IFT172: variants seen among roughly 807,000 people sequenced by gnomAD.
The protein encoded by IFT172 is intraflagellar transport 172, also known as intraflagellar transport protein 172 homolog.
In IFT172, 164 loss-of-function variants were observed where a neutral mutation model predicts 248.9. That is an observed-to-expected ratio of 0.66 (90% CI 0.58 to 0.75). The LOEUF is 0.75. Among genes scored for constraint, IFT172 ranks in the 30% least tolerant of loss-of-function variants. IFT172 has a pLI of 0.00. For synonymous variants in IFT172, 729 were observed against 791.6 expected, an observed-to-expected ratio of 0.92 and a Z score of 1.33; for missense variants, 1,950 against 2,192.4, an observed-to-expected ratio of 0.89 and a Z score of 2.21.
At position 27,459,717 on chromosome 2, in the gene IFT172, G is replaced by T; in HGVS notation, c.2634C>A (p.Ile878=). The T allele has an allele frequency of 6.2e-7, 1 of 1,612,318 alleles. No homozygotes were observed. Among genetic ancestry groups the T allele is most frequent in the Non-Finnish European group, 8.5e-7 (1 of 1,180,026 alleles). Residue 878 remains isoleucine (I), a synonymous_variant, in exon 24 of 48, where the codon ATC becomes ATA. Transcript: ENST00000260570. ...TTCCCATACTCCCATACCTGGCTTC[G>T]ATGTAGTGATTAATGGCTGCATCAA... ...KQLDAAINHY[I]EARCSIKAIE... is the part of the protein sequence containing the mutation.
At chr2:27,458,954 A>G (rs1036657237) in intron 25 of IFT172, 86 bp from the exon 26 acceptor site, 2 of 1,403,362 alleles carry the variant, frequency 1.4e-6, no homozygotes, top group African/African-American at 2.8e-5. Context: ...CTTGGCTGGG[A>G]TGGTGGAGAG....
chr2:27,476,814 C>T, intron 13 of IFT172, 88 bp from the exon 14 acceptor site: 1 of 757,556 alleles, frequency 1.3e-6, no homozygotes, highest in East Asian at 2.5e-5. Context: ...TGGGATGAAG[C>T]TTTTATTTAT....
intron 18 of IFT172, among the ~76,000 whole-genome samples, chr2:27,463,848 C>CCA (rs1666877353): frequency 6.6e-6 from 1 of 152,020 alleles, no homozygotes; most frequent in South Asian, 2.1e-4. Context: ...CAAAAGGATG[C>CCA]CAGTGTGGTT....
In IFT172 at chr2:27,459,805, A is replaced by G; in HGVS notation, c.2546T>C (p.Phe849Ser). The change falls in exon 24 of 48, where the codon TTC (phenylalanine) becomes TCC (serine). Residue 849 changes from phenylalanine to serine, a missense_variant. Physicochemically the swap from Phe to Ser is radical, Grantham distance 155 (BLOSUM62 -2). Coordinates refer to ENST00000260570, the MANE Select transcript of IFT172 (RefSeq NM_015662.3). ...MKAVELARLAFPVEVVKLEEA... is the reference protein window; with the variant it reads ...MKAVELARLASPVEVVKLEEA... ...CTCTAGTTTCACCACCTCCACTGGG[A>G]AGGCCAATCGAGCCAGCTCTACCGC... 1 of 1,612,518 alleles carries G rather than the reference A, an allele frequency of 6.2e-7. No individual in the cohort carries two copies. Among genetic ancestry groups the G allele is most frequent in the Non-Finnish European group, 8.5e-7 (1 of 1,180,040 alleles).
At chr2:27,479,660 A>G (rs1240338248) in intron 9 of IFT172, 56 bp from the exon 10 acceptor site, 3 of 1,068,292 alleles carry the variant, frequency 2.8e-6, no homozygotes, top group African/African-American at 3.1e-5. Flanking sequence ...TGGCATGGGG[A>G]GAGTATCTAG....
intron 14 of IFT172, among the ~76,000 whole-genome samples, chr2:27,474,095 AC>A (rs1667793840): frequency 6.6e-6 from 1 of 152,204 alleles, no homozygotes; most frequent in Non-Finnish European, 1.5e-5. Flanking sequence ...GGCATGAGCC[AC>A]CGTACCCGGC....
intron 1 of IFT172, among the ~76,000 whole-genome samples, chr2:27,488,068 G>A (rs1325858536): frequency 1.3e-5 from 2 of 150,652 alleles, no homozygotes; most frequent in African/African-American, 4.9e-5. Flanking sequence ...CTGCAGCCTC[G>A]ACCTCCTGGG....
At chr2:27,483,757 T>C (rs993661336) in intron 5 of IFT172, 98 bp from the exon 6 acceptor site, 21 of 1,452,080 alleles carry the variant, frequency 1.4e-5, no homozygotes, top group Non-Finnish European at 1.9e-5. Context: ...AACTGGTCCC[T>C]ATGCATTCTC....
At chr2:27,462,662 C>T (rs753211089) in intron 20 of IFT172, 39 bp downstream of exon 20, 7 of 1,559,174 alleles carry the variant, frequency 4.5e-6, no homozygotes, top group Middle Eastern at 1.7e-4. Flanking sequence ...CTTTTTCCCT[C>T]ATATCCCCTC....
chr2:27,445,410 CTG>C lies in IFT172; in HGVS notation c.4952_4953del (p.Thr1651SerfsTer15), dbSNP rs764258735. ...TGCTCCAGCCGCTGGTCCATGGAGACTGTAAGCACCCAGTCTCGAACCTCTTC... is the reference window on the plus strand; with the variant it reads ...TGCTCCAGCCGCTGGTCCATGGAGACTAAGCACCCAGTCTCGAACCTCTTC... ...EREEVRDWVL[T>X]VSMDQRLEQV... On this transcript the variant is annotated frameshift_variant, in exon 46 of 48. Transcript: ENST00000260570. LOFTEE classifies it high-confidence loss of function. The surrounding 1 kb of genome is among the most constrained non-coding windows in gnomAD (Gnocchi z 4.4). 4 of 1,612,412 alleles carry C rather than the reference CTG, an allele frequency of 2.5e-6. No homozygotes were observed. Among genetic ancestry groups the C allele is most frequent in the Non-Finnish European group, 3.4e-6 (4 of 1,179,430 alleles).
chr2:27,470,949 T>C lies in IFT172; in HGVS notation c.1671A>G (p.Arg557=). 6.2e-7 allele frequency: 1 copy of C among 1,607,806 alleles called. No individual in the cohort carries two copies. Among genetic ancestry groups the C allele is most frequent in the Non-Finnish European group, 8.5e-7 (1 of 1,178,186 alleles). Residue 557 remains arginine (R), a synonymous_variant, in exon 16 of 48, where the codon AGA becomes AGG. Coordinates refer to ENST00000260570, the MANE Select transcript of IFT172 (RefSeq NM_015662.3). Reference sequence around the variant, plus strand: ...ATACCCTAATAGTGAACATGGTGACTCTCTCAGGTGCCTCAATGTTGTACC... The same window carrying C: ...ATACCCTAATAGTGAACATGGTGACCCTCTCAGGTGCCTCAATGTTGTACC... ...CVWYNIEAPE[R]VTMFTIRGDV...
At chr2:27,458,956 G>C (rs1255726699) in intron 25 of IFT172, 88 bp from the exon 26 acceptor site, 1 of 1,368,962 alleles carries the variant, frequency 7.3e-7, no homozygotes, top group Admixed American at 2.0e-5. Flanking sequence ...TGGCTGGGAT[G>C]GTGGAGAGCC....
At chr2:27,457,604 T>C (rs1666260179) in intron 29 of IFT172, 35 bp downstream of exon 29, 1 of 1,548,086 alleles carries the variant, frequency 6.5e-7, no homozygotes, top group Non-Finnish European at 8.9e-7. Context: ...GAAAGAAGGA[T>C]GGATGTATCC....
rs73921542 is a variant in IFT172, at chr2:27,463,957, G to A, written c.1938-776C>T. Among the ~76,000 whole-genome samples, 425 of 152,248 alleles carry A rather than the reference G, an allele frequency of 2.8e-3. 3 individuals are homozygous for A. Among genetic ancestry groups the A allele is most frequent in the African/African-American group, 9.7e-3 (404 of 41,546 alleles). ...ACAAGGAGTTTGGGTTTTATACTAA[G>A]TAAAACAGTAAGCTAATGGAAGGTT... On this transcript the variant is annotated intron_variant, in intron 18 of 47. Coordinates refer to ENST00000260570, the MANE Select transcript of IFT172 (RefSeq NM_015662.3).
At position 27,458,631 on chromosome 2, in the gene IFT172, G is replaced by A. The variant is rs144683582; in HGVS notation, c.2877+148C>T. The stretch of plus-strand genomic sequence containing the variant: ...CTCTTCATCCCTTCCTTTCCCTATG[G>A]CTAGGGATCAAAGTGGCTCAGACTG... On this transcript the variant is annotated intron_variant, in intron 26 of 47. Transcript: ENST00000260570. The A allele has an allele frequency of 0.011, 8,919 of 807,602 alleles. 75 individuals carry two copies. Among genetic ancestry groups the A allele is most frequent in the Non-Finnish European group, 0.013 (6,810 of 519,422 alleles). 50.0% of individuals were successfully genotyped at this position (807,602 alleles called of 1,614,324 possible).
rs1037609844 is a variant in IFT172 at position 27,456,775 on chromosome 2, T to A, written c.3229-122A>T. ...TTGAACAGGAAGAGGCTGGGTGTGG[T>A]GGCTCATACCTATAATCCCAGCATT... On this transcript the variant is annotated intron_variant, in intron 29 of 47. Transcript: ENST00000260570. The A allele has an allele frequency of 1.1e-5, 16 of 1,393,632 alleles. No homozygotes were observed. The African/African-American group carries it at 2.3e-4, about 20-fold the overall frequency. The allele number at this position is 1,393,632 out of a possible 1,614,324, so 86.3% of individuals were successfully genotyped here. A position where few individuals can be genotyped will look rare whatever the true frequency, so the allele number is the denominator to read the frequency against.
chr2:27,477,893 T>G (rs1256867470), intron 11 of IFT172, 102 bp downstream of exon 11: 1 of 1,443,490 alleles, frequency 6.9e-7, no homozygotes, highest in Non-Finnish European at 9.5e-7. Flanking sequence ...ACCAGAATGT[T>G]AGAACTTCTC....
chr2:27,459,310 G>C (rs1666438151), intron 25 of IFT172, 68 bp downstream of exon 25: 2 of 1,568,396 alleles, frequency 1.3e-6, no homozygotes, highest in Middle Eastern at 1.8e-4. Flanking sequence ...TCCACTTCCT[G>C]CTTTGGGTTC....
At position 27,487,729 on chromosome 2, in the gene IFT172, A is replaced by C. The variant is rs1668867784; in HGVS notation, c.39+1886T>G. ...TGCCTCAGCCTCCCGAGTAGCTGGGATTACAGGCATGCGCCACCACATCTA... is the reference window on the plus strand; with the variant it reads ...TGCCTCAGCCTCCCGAGTAGCTGGGCTTACAGGCATGCGCCACCACATCTA... On this transcript the variant is annotated intron_variant, in intron 1 of 47. Transcript: ENST00000260570. 5.3e-5 allele frequency among the ~76,000 whole-genome samples: 8 copies of C among 151,680 alleles called. No homozygotes were observed. The South Asian group carries it at 1.7e-3, about 32-fold the overall frequency.
Sources: allele counts gnomAD v4.1 joint callset (sites outside exome capture counted in the v4.1 genomes callset), GRCh38; gene constraint gnomAD v4.1.1; non-coding constraint Gnocchi (gnomAD v3.1); transcripts MANE v1.5; gene names NCBI Gene and HGNC (gene_info 2026-07-23, HGNC 2026-07-21).